The following LY6S variants were observed in gnomAD, a reference collection of about 807,000 sequenced individuals.
The protein encoded by LY6S is lymphocyte antigen 6 family member S, also known as lymphocyte antigen 6S.
At chr8:143,057,961 C>G in the LY6S span, 1 of 542,078 alleles carries the variant, frequency 1.8e-6, no homozygotes, top group South Asian at 2.3e-5. Context: ...TCTGACCCTC[C>G]CTCCCTCTGC....
chr8:143,052,592 C>T, the LY6S span, among the ~76,000 whole-genome samples: 2 of 152,156 alleles, frequency 1.3e-5, no homozygotes, highest in Non-Finnish European at 1.5e-5. Context: ...GGAAGCTCTC[C>T]CCCAAGAACA....
chr8:143,042,461 C>A, the LY6S span: 5,448 of 154,864 alleles, frequency 0.035, 316 homozygotes, highest in African/African-American at 0.12. Flanking sequence ...GCCTGGCACT[C>A]TGTGGGTTCT....
At chr8:143,057,922 C>T in the LY6S span, 47 of 586,730 alleles carry the variant, frequency 8.0e-5, no homozygotes, top group East Asian at 3.2e-4. Context: ...ATGCGGCCCA[C>T]GGTGCGGGTG....
chr8:143,057,172 C>A, the LY6S span: 1 of 349,624 alleles, frequency 2.9e-6, no homozygotes, highest in South Asian at 3.3e-5. Context: ...TTCCAACACC[C>A]CCTTTTTTCT....
chr8:143,043,343 G>A, the LY6S span: 7 of 968,708 alleles, frequency 7.2e-6, no homozygotes, highest in South Asian at 4.5e-5. Context: ...CTTTACCTGC[G>A]AGAGAGCGGG....
chr8:143,049,653 A>C, the LY6S span, among the ~76,000 whole-genome samples: 20 of 152,312 alleles, frequency 1.3e-4, no homozygotes, highest in African/African-American at 4.8e-4. Context: ...CCGACTCCCC[A>C]GCATCCCCCG....
chr8:143,061,704 C>G, the LY6S span, among the ~76,000 whole-genome samples: 18 of 148,488 alleles, frequency 1.2e-4, no homozygotes, highest in Admixed American at 1.2e-3. Flanking sequence ...GCCACCATGC[C>G]CAGCTAATTT....
chr8:143,074,914 G>T, the LY6S span, among the ~76,000 whole-genome samples: 1 of 152,338 alleles, frequency 6.6e-6, no homozygotes, highest in East Asian at 1.9e-4. Context: ...AAGACTGGCA[G>T]TTCCTTCAGA....
the LY6S span, among the ~76,000 whole-genome samples, chr8:143,061,885 C>T: frequency 1.2e-3 from 189 of 152,144 alleles, no homozygotes; most frequent in African/African-American, 4.4e-3. Flanking sequence ...ATAGAACAAG[C>T]GGACAAAAAT....
At chr8:143,041,183 T>G in the LY6S span, among the ~76,000 whole-genome samples, 1 of 152,198 alleles carries the variant, frequency 6.6e-6, no homozygotes, top group African/African-American at 2.4e-5. Context: ...TTCCTCATCC[T>G]AATAAGCCTG....
At chr8:143,043,046 G>C in the LY6S span, 1 of 1,367,876 alleles carries the variant, frequency 7.3e-7, no homozygotes, top group South Asian at 1.1e-5. Context: ...CAGTGAGGCA[G>C]CTCTTCAAAA....
At chr8:143,072,202 T>TCCCTCTTTGAGAAGACAGC in the LY6S span, among the ~76,000 whole-genome samples, 1 of 152,096 alleles carries the variant, frequency 6.6e-6, no homozygotes, top group Admixed American at 6.5e-5. Context: ...AAGACAGCCG[T>TCCCTCTTTGAGAAGACAGC]CATTCTGGGG....
At chr8:143,043,339 C>A in the LY6S span, 1 of 1,004,502 alleles carries the variant, frequency 1.0e-6, no homozygotes, top group Non-Finnish European at 1.4e-6. Context: ...CTCACTTTAC[C>A]TGCGAGAGAG....
At chr8:143,048,716 C>T in the LY6S span, among the ~76,000 whole-genome samples, 1 of 152,112 alleles carries the variant, frequency 6.6e-6, no homozygotes, top group Non-Finnish European at 1.5e-5. Context: ...GTGATCCATC[C>T]ACCTTGGCCT....
At chr8:143,070,489 ATTTTTTTT>A in the LY6S span, among the ~76,000 whole-genome samples, 3 of 81,712 alleles carry the variant, frequency 3.7e-5, 1 homozygote, top group African/African-American at 2.3e-4. Flanking sequence ...ATATATATAT[ATTTTTTTT>A]TTTTTTTGAG....
At chr8:143,068,754 C>CT in the LY6S span, among the ~76,000 whole-genome samples, 409 of 148,588 alleles carry the variant, frequency 2.8e-3, 1 homozygote, top group Middle Eastern at 6.9e-3. Context: ...CTAATAATTT[C>CT]TTTTTTTTTT....
the LY6S span, among the ~76,000 whole-genome samples, chr8:143,070,394 T>C: frequency 7.5e-6 from 1 of 133,374 alleles, no homozygotes; most frequent in Non-Finnish European, 1.5e-5. Context: ...TATATATTTA[T>C]ATATATTTTT....
At chr8:143,052,677 C>T in the LY6S span, among the ~76,000 whole-genome samples, 9 of 152,026 alleles carry the variant, frequency 5.9e-5, no homozygotes, top group East Asian at 3.9e-4. Context: ...GCAGGGAGCT[C>T]GAGCTTTGGG....
chr8:143,063,981 T>C, the LY6S span, among the ~76,000 whole-genome samples: 1 of 152,226 alleles, frequency 6.6e-6, no homozygotes, highest in Non-Finnish European at 1.5e-5. Flanking sequence ...GGCTGCAATA[T>C]TCTTCCTAAT....
Sources: allele counts gnomAD v4.1 joint callset (sites outside exome capture counted in the v4.1 genomes callset), GRCh38; gene constraint gnomAD v4.1.1; transcripts MANE v1.5; gene names NCBI Gene and HGNC (gene_info 2026-07-23, HGNC 2026-07-21).